MAD1L1: variants seen among roughly 807,000 people sequenced by gnomAD.
MAD1L1 encodes mitotic spindle assembly checkpoint protein MAD1.
In MAD1L1, 95 loss-of-function variants were observed where a neutral mutation model predicts 96.9. That is an observed-to-expected ratio of 0.98 (90% CI 0.83 to 1.16). The LOEUF is 1.16. MAD1L1 is among the 50% of genes most tolerant of loss of function. The pLI is 0.00. For synonymous variants in MAD1L1, 473 were observed against 396.6 expected, an observed-to-expected ratio of 1.19 and a Z score of -2.29; for missense variants, 1,007 against 954.4, an observed-to-expected ratio of 1.06 and a Z score of -0.73.
chr7:1,995,762 G>A (rs562888221), intron 14 of MAD1L1, among the ~76,000 whole-genome samples: 12 of 152,276 alleles, frequency 7.9e-5, no homozygotes, highest in Admixed American at 4.6e-4. Context: ...CAGGGACCAG[G>A]AGGCTGCCAG....
chr7:1,911,014 G>A (rs1295040598), intron 17 of MAD1L1, among the ~76,000 whole-genome samples: 1 of 152,184 alleles, frequency 6.6e-6, no homozygotes, highest in Non-Finnish European at 1.5e-5. Flanking sequence ...CCTTTCAAGT[G>A]GCCTCAGCTG....
chr7:2,031,766 C>T (rs947419445), intron 12 of MAD1L1, among the ~76,000 whole-genome samples: 1 of 152,250 alleles, frequency 6.6e-6, no homozygotes, highest in African/African-American at 2.4e-5. Context: ...GGATATGGGG[C>T]CATGGGCCTG....
intron 18 of MAD1L1, among the ~76,000 whole-genome samples, chr7:1,874,199 C>T (rs1334681363): frequency 6.6e-6 from 1 of 152,210 alleles, no homozygotes; most frequent in African/African-American, 2.4e-5. Flanking sequence ...TGCAGCGAGG[C>T]CGTCTCGGTG....
In MAD1L1 at chr7:1,898,271, T is replaced by A. The variant is rs1200261495; in HGVS notation, c.1927A>T (p.Ile643Phe). The A allele has an allele frequency of 3.7e-6, 6 of 1,614,128 alleles. No individual in the cohort carries two copies. The highest frequency in any genetic ancestry group is 2.5e-6 in the Non-Finnish European group (3 of 1,180,020). Reference sequence around the variant, plus strand: ...AGCCGGTACTGGTTCTCCGTGGTGATGTCGATCTGGTAGCCGGTGAGCGTG... The same window carrying A: ...AGCCGGTACTGGTTCTCCGTGGTGAAGTCGATCTGGTAGCCGGTGAGCGTG... ...CYTLTGYQID[I>F]TTENQYRLTS... is the part of the protein sequence containing the mutation. Residue 643 changes from isoleucine to phenylalanine, a missense_variant, in exon 18 of 19, where the codon ATC becomes TTC. Ile to Phe is a conservative substitution (Grantham distance 21). Transcript: ENST00000265854.
rs558523675 is a variant in MAD1L1 at position 2,088,625 on chromosome 7, G to A, written c.1074-19287C>T. Among the ~76,000 whole-genome samples the A allele has an allele frequency of 1.3e-5, 2 of 152,344 alleles. No individual in the cohort carries two copies. Among genetic ancestry groups the A allele is most frequent in the African/African-American group, 4.8e-5 (2 of 41,572 alleles). On this transcript the variant is annotated intron_variant, in intron 11 of 18. Transcript: ENST00000265854. The surrounding 1 kb of genome is among the most constrained non-coding windows in gnomAD (Gnocchi z 4.4). ...ACTCCCAGCACTCAGCAGTGGCCAT[G>A]AGCGAGAGGCAGCAAGGGGACGGGT...
chr7:1,908,169 C>T (rs1297883801), intron 17 of MAD1L1, among the ~76,000 whole-genome samples: 3 of 152,242 alleles, frequency 2.0e-5, no homozygotes, highest in Non-Finnish European at 4.4e-5. Flanking sequence ...TCTGTCCAGG[C>T]TGCTGCAGCT....
At chr7:1,957,373 C>A (rs554187825) in intron 16 of MAD1L1, among the ~76,000 whole-genome samples, 2 of 152,370 alleles carry the variant, frequency 1.3e-5, no homozygotes, top group African/African-American at 2.4e-5. Context: ...TAGTGCAAAT[C>A]TGCCCAGAGC....
chr7:2,028,940 C>T (rs1343095681), intron 12 of MAD1L1, among the ~76,000 whole-genome samples: 1 of 151,924 alleles, frequency 6.6e-6, no homozygotes, highest in Non-Finnish European at 1.5e-5. Context: ...TGCGCAGTGC[C>T]ACGGTCAGTG....
At chr7:2,102,402 ACT>A (rs1455978245) in intron 11 of MAD1L1, among the ~76,000 whole-genome samples, 1 of 139,578 alleles carries the variant, frequency 7.2e-6, no homozygotes, top group Non-Finnish European at 1.5e-5. Context: ...CATCACTAGC[ACT>A]CTCACCATGT....
At chr7:2,131,758 C>A (rs1354596582) in intron 11 of MAD1L1, among the ~76,000 whole-genome samples, 1 of 152,204 alleles carries the variant, frequency 6.6e-6, no homozygotes, top group African/African-American at 2.4e-5. Flanking sequence ...CAGCCCTTGT[C>A]CTCACCCTGG....
intron 11 of MAD1L1, among the ~76,000 whole-genome samples, chr7:2,112,071 G>A (rs558005718): frequency 2.0e-4 from 30 of 152,190 alleles, no homozygotes; most frequent in Non-Finnish European, 3.4e-4. Context: ...ACTCAGCAAC[G>A]AAAAGCAGCG....
rs904667216 is a variant in MAD1L1 at position 2,124,696 on chromosome 7, AG to A, written c.1073+24455del. ...CTGCTGGGTTCTCACACACCCCGGG[AG>A]GGCCAGGCCCACCCTGCCCCACCCT... On this transcript the variant is annotated intron_variant, in intron 11 of 18. Coordinates refer to ENST00000265854, the MANE Select transcript of MAD1L1 (RefSeq NM_001013836.2). Among the ~76,000 whole-genome samples, 7 of 152,136 alleles carry A rather than the reference AG, an allele frequency of 4.6e-5. No individual in the cohort carries two copies. The East Asian group carries it at 9.6e-4, about 21-fold the overall frequency.
chr7:1,979,837 C>T (rs948944010), intron 15 of MAD1L1, among the ~76,000 whole-genome samples: 3 of 152,204 alleles, frequency 2.0e-5, no homozygotes, highest in African/African-American at 4.8e-5. Context: ...GCAGCCCCTG[C>T]GGCTGCAGAC....
At chr7:2,023,984 A>T (rs1374229314) in intron 12 of MAD1L1, among the ~76,000 whole-genome samples, 1 of 151,586 alleles carries the variant, frequency 6.6e-6, no homozygotes, top group Admixed American at 6.6e-5. Flanking sequence ...ATAAAACAAA[A>T]TAAATAATAA....
rs557190774 is a variant in MAD1L1 at position 2,019,037 on chromosome 7, C to G, written c.1219-4395G>C. On this transcript the variant is annotated intron_variant, in intron 12 of 18. Transcript: ENST00000265854. The stretch of plus-strand genomic sequence containing the variant: ...GAAAAGCCCTGTTCTAATTACCTCT[C>G]CCGACGCATGGAGCCACCACAAGAA... Among the ~76,000 whole-genome samples, 132 of 152,324 alleles carry G rather than the reference C, an allele frequency of 8.7e-4. 2 individuals are homozygous for G. The highest frequency in any genetic ancestry group is 5.3e-4 in the Non-Finnish European group (36 of 68,028).
intron 11 of MAD1L1, among the ~76,000 whole-genome samples, chr7:2,082,012 T>C (rs1174125319): frequency 1.3e-5 from 2 of 152,166 alleles, no homozygotes; most frequent in Non-Finnish European, 1.5e-5. Context: ...GAGCCAAAGA[T>C]AGAGACTCTG....
intron 10 of MAD1L1, among the ~76,000 whole-genome samples, chr7:2,162,328 C>A (rs2128589322): frequency 6.6e-6 from 1 of 152,268 alleles, no homozygotes; most frequent in African/African-American, 2.4e-5. Context: ...TGTGTCCACT[C>A]AGGGTTAAAT....
At chr7:2,126,209 G>A (rs758777905) in intron 11 of MAD1L1, among the ~76,000 whole-genome samples, 5 of 152,212 alleles carry the variant, frequency 3.3e-5, no homozygotes, top group Non-Finnish European at 5.9e-5. Context: ...CTCGGGAGCC[G>A]AGAGCAGACA....
At chr7:2,129,058 G>A (rs1360359057) in intron 11 of MAD1L1, among the ~76,000 whole-genome samples, 2 of 152,222 alleles carry the variant, frequency 1.3e-5, no homozygotes, top group Non-Finnish European at 2.9e-5. Context: ...CCACCACGAG[G>A]ACAAAATTGG....
Sources: allele counts gnomAD v4.1 joint callset (sites outside exome capture counted in the v4.1 genomes callset), GRCh38; gene constraint gnomAD v4.1.1; non-coding constraint Gnocchi (gnomAD v3.1); transcripts MANE v1.5; gene names NCBI Gene and HGNC (gene_info 2026-07-23, HGNC 2026-07-21).